The following RPS6KC1 variants were observed in gnomAD, a reference collection of about 807,000 sequenced individuals.
The protein encoded by RPS6KC1 is ribosomal protein S6 kinase C1.
RPS6KC1 carries 54 observed loss-of-function variants against 103.8 expected under a neutral mutation model. The observed-to-expected ratio is 0.52, with a 90% CI of 0.42 to 0.65. The LOEUF (loss-of-function observed/expected upper bound fraction) is 0.65, where lower values mean the gene tolerates loss of function less well. RPS6KC1 is among the 30% of genes least tolerant of loss of function. The probability of loss-of-function intolerance (pLI) is 0.00; values close to 1 mark genes in which losing one functional copy is unlikely to be tolerated. For missense variants in RPS6KC1, 1,151 were observed against 1,253.8 expected, an observed-to-expected ratio of 0.92 and a Z score of 1.24; for synonymous variants, 439 against 438.7, an observed-to-expected ratio of 1.00 and a Z score of -0.01.
the RPS6KC1 span, among the ~76,000 whole-genome samples, chr1:213,781,774 G>C: frequency 2.0e-5 from 3 of 152,126 alleles, no homozygotes; most frequent in Non-Finnish European, 4.4e-5. Context: ...GTTGAGGTGT[G>C]GTCAGGCAGA....
At chr1:213,185,063 A>G (rs759738482) in intron 8 of RPS6KC1, among the ~76,000 whole-genome samples, 4 of 152,144 alleles carry the variant, frequency 2.6e-5, no homozygotes, top group Non-Finnish European at 4.4e-5. Flanking sequence ...TGATCTGTCC[A>G]TTACTGAGAG....
At chr1:213,168,237 A>G (rs761717752) in intron 7 of RPS6KC1, among the ~76,000 whole-genome samples, 6 of 152,162 alleles carry the variant, frequency 3.9e-5, no homozygotes, top group Non-Finnish European at 8.8e-5. Context: ...ACAGTAATTT[A>G]TACTGTTATG....
chr1:213,740,532 C>G, the RPS6KC1 span, among the ~76,000 whole-genome samples: 273 of 152,006 alleles, frequency 1.8e-3, 1 homozygote, highest in South Asian at 5.0e-3. Flanking sequence ...ACAGTTTGGT[C>G]CTTGAAGACA....
At chr1:213,069,496 G>A (rs2078674091) in intron 1 of RPS6KC1, among the ~76,000 whole-genome samples, 1 of 152,160 alleles carries the variant, frequency 6.6e-6, no homozygotes, top group Admixed American at 6.5e-5. Context: ...AAGAGGAACT[G>A]TAATTTGAAC....
At chr1:213,776,399 A>G in the RPS6KC1 span, among the ~76,000 whole-genome samples, 1 of 152,072 alleles carries the variant, frequency 6.6e-6, no homozygotes, top group East Asian at 1.9e-4. Context: ...ACATGAAGAC[A>G]ACAATCATCT....
chr1:213,542,126 A>C, the RPS6KC1 span, among the ~76,000 whole-genome samples: 2 of 152,230 alleles, frequency 1.3e-5, no homozygotes, highest in African/African-American at 2.4e-5. Flanking sequence ...AAGTCTCCAC[A>C]TGAGGACAGT....
the RPS6KC1 span, among the ~76,000 whole-genome samples, chr1:213,658,880 GCCCTCCGCA>G: frequency 6.6e-6 from 1 of 152,148 alleles, no homozygotes; most frequent in Non-Finnish European, 1.5e-5. Flanking sequence ...TGCATCTCCA[GCCCTCCGCA>G]CCTGAAGACA....
the RPS6KC1 span, among the ~76,000 whole-genome samples, chr1:213,564,747 T>A: frequency 6.6e-6 from 1 of 152,350 alleles, no homozygotes; most frequent in African/African-American, 2.4e-5. Flanking sequence ...CAAAGGTTAG[T>A]AATTTGTTTC....
Position 213,274,333 on chromosome 1 carries a change from C to T in RPS6KC1, c.*1699C>T, listed in dbSNP as rs2095100343. The T allele has an allele frequency of 6.6e-6, 1 of 152,228 alleles. No homozygotes were observed. The highest frequency in any genetic ancestry group is 2.4e-5 in the African/African-American group (1 of 41,462). The allele number at this position is 152,228 out of a possible 1,614,324, so 9.4% of individuals were successfully genotyped here. On this transcript the variant is annotated 3_prime_UTR_variant, in exon 15 of 15. Transcript: ENST00000366960. ...TGCAAGTACTTAGAGCTGGCCATTACAGAACTTCCTTCCAGAAGTGCCCTG... is the reference window on the plus strand; with the variant it reads ...TGCAAGTACTTAGAGCTGGCCATTATAGAACTTCCTTCCAGAAGTGCCCTG...
chr1:213,613,853 A>T, the RPS6KC1 span, among the ~76,000 whole-genome samples: 2 of 152,222 alleles, frequency 1.3e-5, no homozygotes, highest in African/African-American at 4.8e-5. Context: ...CCCTAAGGCT[A>T]GTGCATCTGG....
the RPS6KC1 span, among the ~76,000 whole-genome samples, chr1:213,702,063 C>A: frequency 2.6e-4 from 39 of 151,728 alleles, no homozygotes; most frequent in Non-Finnish European, 5.0e-4. Context: ...CTGTAAAATT[C>A]TCTGTCAATA....
chr1:213,770,272 C>G, the RPS6KC1 span, among the ~76,000 whole-genome samples: 1 of 152,248 alleles, frequency 6.6e-6, no homozygotes, highest in Non-Finnish European at 1.5e-5. Context: ...TATTCTTGGT[C>G]CAGTGAGCAT....
At chr1:213,405,763 C>T in the RPS6KC1 span, among the ~76,000 whole-genome samples, 1 of 152,202 alleles carries the variant, frequency 6.6e-6, no homozygotes, top group Non-Finnish European at 1.5e-5. Context: ...AGTCTGGGCT[C>T]TTTCTGCCCA....
the RPS6KC1 span, among the ~76,000 whole-genome samples, chr1:213,381,006 A>G: frequency 6.6e-6 from 1 of 152,140 alleles, no homozygotes; most frequent in Admixed American, 6.5e-5. Context: ...GGATCACAGG[A>G]AATTGTCATG....
At chr1:213,495,155 G>C in the RPS6KC1 span, among the ~76,000 whole-genome samples, 8 of 152,146 alleles carry the variant, frequency 5.3e-5, no homozygotes, top group African/African-American at 1.7e-4. Context: ...ATTTAAAGAT[G>C]TTCTACTGAG....
Position 213,242,159 on chromosome 1 carries a change from C to A in RPS6KC1, c.2683C>A (p.Leu895Ile). The A allele has an allele frequency of 6.2e-7, 1 of 1,613,916 alleles. No individual in the cohort carries two copies. Among genetic ancestry groups the A allele is most frequent in the Non-Finnish European group, 8.5e-7 (1 of 1,179,882 alleles). ...TGAGGACCTTGATAAAAAATTAGCACTAGCCTCCAGGTTTTACATCCCAGA... is the reference window on the plus strand; with the variant it reads ...TGAGGACCTTGATAAAAAATTAGCAATAGCCTCCAGGTTTTACATCCCAGA... Reference protein sequence around the residue: ...IFEDLDKKLALASRFYIPEGC... With the variant: ...IFEDLDKKLAIASRFYIPEGC... Residue 895 changes from leucine (L) to isoleucine (I), a missense_variant, in exon 11 of 15, where the codon CTA (leucine) becomes ATA (isoleucine). Physicochemically the swap from Leu to Ile is conservative, Grantham distance 5 (BLOSUM62 2). This residue lies in a region of RPS6KC1 where 189 missense variants were observed against 228.8 expected (regional missense o/e 0.83). Coordinates refer to ENST00000366960, the MANE Select transcript of RPS6KC1 (RefSeq NM_012424.6).
the RPS6KC1 span, among the ~76,000 whole-genome samples, chr1:213,477,984 A>G: frequency 6.6e-6 from 1 of 152,314 alleles, no homozygotes; most frequent in Admixed American, 6.5e-5. Context: ...AGCATCATAC[A>G]GAGTAGTTTC....
the RPS6KC1 span, among the ~76,000 whole-genome samples, chr1:213,729,785 C>A: frequency 6.6e-6 from 1 of 150,422 alleles, no homozygotes; most frequent in African/African-American, 2.4e-5. Context: ...TTTTTTTTAA[C>A]TTTAAGCTTG....
the RPS6KC1 span, among the ~76,000 whole-genome samples, chr1:213,324,564 C>T: frequency 1.4e-5 from 2 of 139,158 alleles, no homozygotes; most frequent in East Asian, 4.8e-4. Flanking sequence ...AATACAGACA[C>T]TATTCAACCC....
Sources: allele counts gnomAD v4.1 joint callset (sites outside exome capture counted in the v4.1 genomes callset), GRCh38; gene constraint gnomAD v4.1.1; regional missense constraint gnomAD v4.1.1; transcripts MANE v1.5; gene names NCBI Gene and HGNC (gene_info 2026-07-23, HGNC 2026-07-21).